NUMA1: variants seen among roughly 807,000 people sequenced by gnomAD.
NUMA1 encodes the protein SP-H antigen.
A neutral mutation model predicts 237.1 loss-of-function variants in NUMA1; 62 were observed. That is an observed-to-expected ratio of 0.26 (90% CI 0.21 to 0.32). NUMA1 has a LOEUF of 0.32. NUMA1 is among the 10% of genes least tolerant of loss of function. NUMA1 has a pLI of 1.00. For missense variants in NUMA1, 2,533 were observed against 2,666.5 expected, an observed-to-expected ratio of 0.95 and a Z score of 1.10; for synonymous variants, 1,028 against 1,066.1, an observed-to-expected ratio of 0.96 and a Z score of 0.70.
At chr11:72,078,360 T>C (rs953119872) in intron 1 of NUMA1, among the ~76,000 whole-genome samples, 1 of 152,190 alleles carries the variant, frequency 6.6e-6, no homozygotes, top group Admixed American at 6.5e-5. Context: ...GTAACTGTGG[T>C]TTTTGCCATT....
chr11:72,025,906 A>T (rs998232726), intron 4 of NUMA1, among the ~76,000 whole-genome samples: 1 of 152,166 alleles, frequency 6.6e-6, no homozygotes, highest in Admixed American at 6.5e-5. Flanking sequence ...CCCACCCACA[A>T]TCTGGAATGT....
chr11:72,057,312 G>A lies in NUMA1; in HGVS notation c.-33+12530C>T, dbSNP rs896222122. Among the ~76,000 whole-genome samples the A allele has an allele frequency of 1.8e-4, 27 of 152,104 alleles. 1 individual carries two copies. The highest frequency in any genetic ancestry group is 1.8e-3 in the Admixed American group (27 of 15,260). On this transcript the variant is annotated intron_variant, in intron 2 of 26. Coordinates refer to ENST00000393695, the MANE Select transcript of NUMA1 (RefSeq NM_006185.4). ...TACAAAGCTGGTTCCTTCAATGCTC[G>A]TTCTCCTGCCACTACCCAGATGCCT...
chr11:72,005,909 A>G, intron 22 of NUMA1, 126 bp downstream of exon 22: 1 of 766,802 alleles, frequency 1.3e-6, no homozygotes, highest in Non-Finnish European at 2.1e-6. Flanking sequence ...AAGGAGGGGC[A>G]GGTGGAGCTG....
At chr11:72,048,797 G>A (rs2036208994) in intron 2 of NUMA1, among the ~76,000 whole-genome samples, 1 of 152,166 alleles carries the variant, frequency 6.6e-6, no homozygotes, top group Non-Finnish European at 1.5e-5. Context: ...TCTAAAAACA[G>A]CAAGCACCAA....
intron 2 of NUMA1, among the ~76,000 whole-genome samples, chr11:72,048,426 C>T (rs1330756438): frequency 6.6e-6 from 1 of 152,076 alleles, no homozygotes; most frequent in African/African-American, 2.4e-5. Flanking sequence ...GGCTGGAGTA[C>T]AATGGCACGA....
At chr11:72,045,072 T>C (rs1481129649) in intron 2 of NUMA1, among the ~76,000 whole-genome samples, 3 of 152,208 alleles carry the variant, frequency 2.0e-5, no homozygotes, top group Non-Finnish European at 4.4e-5. Context: ...TCTTCACATC[T>C]AGAATGGAAA....
chr11:72,077,813 C>CAAA (rs374544097), intron 1 of NUMA1, among the ~76,000 whole-genome samples: 9 of 26,716 alleles, frequency 3.4e-4, no homozygotes, highest in African/African-American at 4.2e-4. Context: ...GACTCCATCT[C>CAAA]AAAAAAAAAA....
At chr11:72,020,940 A>T (rs777345710) in intron 8 of NUMA1, 15 of 379,508 alleles carry the variant, frequency 4.0e-5, no homozygotes, top group Non-Finnish European at 5.7e-5. Flanking sequence ...ATGATTGTTT[A>T]AAAAATAAAA....
intron 2 of NUMA1, among the ~76,000 whole-genome samples, chr11:72,037,547 C>T (rs1941183174): frequency 6.6e-6 from 1 of 152,160 alleles, no homozygotes. Context: ...GTGCTAGAAG[C>T]CACATGGAAA....
chr11:72,041,941 G>A (rs563521985), intron 2 of NUMA1: 5 of 152,458 alleles, frequency 3.3e-5, no homozygotes, highest in South Asian at 2.1e-4. Flanking sequence ...CCTGTGCTGC[G>A]TGCTATTGTC....
chr11:72,035,532 C>T (rs948758790), intron 3 of NUMA1, among the ~76,000 whole-genome samples: 2 of 151,836 alleles, frequency 1.3e-5, no homozygotes, highest in South Asian at 2.1e-4. Context: ...CTCAGCCTCC[C>T]GAGTGACTGG....
rs1484691372 is a variant in NUMA1 at position 72,003,377 on chromosome 11, GC to G, written c.*149del. 2.6e-6 allele frequency: 2 copies of G among 772,762 alleles called. No individual in the cohort carries two copies. The highest frequency in any genetic ancestry group is 4.5e-6 in the Non-Finnish European group (2 of 441,296). The allele number at this position is 772,762 out of a possible 1,614,324, so 47.9% of individuals were successfully genotyped here. On this transcript the variant is annotated 3_prime_UTR_variant, in exon 27 of 27. Transcript: ENST00000393695. Reference sequence around the variant, plus strand: ...GCGCCAGTGAAGGACCAGGGACCAGGCCAGGGTGCGGGCAGGCATCACTGTC... The same window carrying G: ...GCGCCAGTGAAGGACCAGGGACCAGGCAGGGTGCGGGCAGGCATCACTGTC...
At chr11:72,011,028 C>T (rs939334761) in intron 16 of NUMA1, among the ~76,000 whole-genome samples, 174 bp from the exon 17 acceptor site, 48 of 152,180 alleles carry the variant, frequency 3.2e-4, no homozygotes, top group African/African-American at 1.1e-3. Flanking sequence ...GGCTGCTTGG[C>T]AGGGCCTGAA....
Position 72,014,459 on chromosome 11 carries a change from C to T in NUMA1, c.3044G>A (p.Arg1015His), listed in dbSNP as rs1299206006. 3.7e-6 allele frequency: 6 copies of T among 1,603,992 alleles called. No individual in the cohort carries two copies. Among genetic ancestry groups the T allele is most frequent in the Admixed American group, 3.3e-5 (2 of 60,000 alleles). ...CTCCAGGGCAAGGTCAGCCTGGGCA[C>T]GGCCCCGCTCCTGGGTCAGCCGCGC... is the stretch of plus-strand genomic sequence containing the variant. ...EVARLTQERG[R>H]AQADLALEKA... Residue 1015 changes from arginine (R) to histidine (H), a missense_variant, in exon 15 of 27, where the codon CGT becomes CAT. Coordinates refer to ENST00000393695, the MANE Select transcript of NUMA1 (RefSeq NM_006185.4). The surrounding 1 kb of genome is among the most constrained non-coding windows in gnomAD (Gnocchi z 4.6).
At chr11:72,060,117 A>G (rs1942862587) in intron 2 of NUMA1, among the ~76,000 whole-genome samples, 2 of 152,110 alleles carry the variant, frequency 1.3e-5, no homozygotes, top group Non-Finnish European at 2.9e-5. Context: ...TTCCCATCAA[A>G]ACTAGGCCTC....
At position 72,004,071 on chromosome 11, in the gene NUMA1, C is replaced by T; in HGVS notation, c.6152G>A (p.Ser2051Asn). ...QADRRQSMAFSILNTPKKLGN... is the reference protein window; with the variant it reads ...QADRRQSMAFNILNTPKKLGN... ...TAGCTTCTTGGGTGTGTTGAGGATG[C>T]TGAAGGCCATCGACTGGCGCCGGTC... is the stretch of plus-strand genomic sequence containing the variant. The change falls in exon 26 of 27, where the codon AGC becomes AAC. Residue 2051 changes from serine (S) to asparagine (N), a missense_variant. By Grantham distance (46) the Ser-to-Asn change is conservative (BLOSUM62 1). Around this residue, in one of 3 missense-constraint regions of NUMA1, gnomAD observed 795 missense variants for 750.8 expected, o/e 1.06. Transcript: ENST00000393695. 1 of 1,613,220 alleles carries T rather than the reference C, an allele frequency of 6.2e-7. No homozygotes were observed. The highest frequency in any genetic ancestry group is 8.5e-7 in the Non-Finnish European group (1 of 1,179,702).
Position 72,023,068 on chromosome 11 carries a change from C to T in NUMA1, c.288G>A (p.Ala96=), listed in dbSNP as rs1441631657. 2.2e-5 allele frequency: 35 copies of T among 1,612,656 alleles called. No individual in the cohort carries two copies. The highest frequency in any genetic ancestry group is 3.3e-4 in the Middle Eastern group (2 of 6,066). The change falls in exon 6 of 27, where the codon GCG becomes GCA. Residue 96 remains alanine (A), a synonymous_variant. Transcript: ENST00000393695. The part of the protein sequence containing the change: ...KVLEGSELEL[A]KMTMLLLYHS... ...CAGTCTGGTATTCCATAGGTACCTTCGCCAGTTCCAGCTCTGATCCCTCTA... is the reference window on the plus strand; with the variant it reads ...CAGTCTGGTATTCCATAGGTACCTTTGCCAGTTCCAGCTCTGATCCCTCTA...
chr11:72,003,572 A>G, intron 26 of NUMA1, 34 bp from the exon 27 acceptor site: 7 of 1,613,890 alleles, frequency 4.3e-6, no homozygotes, highest in Non-Finnish European at 5.9e-6. Flanking sequence ...CCAGATGAGA[A>G]CTTGCGATAC....
intron 2 of NUMA1, among the ~76,000 whole-genome samples, chr11:72,039,272 T>C (rs1313349149): frequency 6.6e-6 from 1 of 152,212 alleles, no homozygotes; most frequent in Non-Finnish European, 1.5e-5. Flanking sequence ...AGCTCTGAAG[T>C]CTGTTCTGAA....
Sources: gnomAD v4.1 joint callset for allele counts (sites outside exome capture counted in the v4.1 genomes callset) on GRCh38, gnomAD v4.1.1 for gene constraint, gnomAD v4.1.1 regional missense constraint, Gnocchi (gnomAD v3.1) non-coding constraint, MANE v1.5 for transcripts, NCBI Gene and HGNC (gene_info 2026-07-23, HGNC 2026-07-21) for gene names.